Variants in GPC5 observed in about 807,000 individuals in gnomAD.
GPC5 encodes the protein glypican 5, also known as glypican-5.
GPC5 carries 47 observed loss-of-function variants against 53.9 expected under a neutral mutation model. That is an observed-to-expected ratio of 0.87 (90% CI 0.69 to 1.11). The LOEUF (loss-of-function observed/expected upper bound fraction) is 1.11. Ranked by LOEUF, GPC5 falls within the 50% of genes most tolerant of loss-of-function variation. GPC5 has a pLI of 0.00. For missense variants in GPC5, 748 were observed against 713.1 expected (o/e 1.05, Z -0.56); for synonymous variants, 286 against 263.3 (o/e 1.09, Z -0.84).
intron 7 of GPC5, among the ~76,000 whole-genome samples, chr13:92,283,257 C>T (rs1054025145): frequency 1.3e-5 from 2 of 152,132 alleles, no homozygotes; most frequent in Non-Finnish European, 2.9e-5. Flanking sequence ...CCTTAGAGAC[C>T]TACAAAGAGA....
intron 7 of GPC5, among the ~76,000 whole-genome samples, chr13:92,382,419 T>C (rs1245819155): frequency 6.6e-6 from 1 of 152,126 alleles, no homozygotes; most frequent in Non-Finnish European, 1.5e-5. Flanking sequence ...ATAATGTGAA[T>C]GGGGATTTAG....
At chr13:91,560,852 C>A (rs2031220240) in intron 2 of GPC5, among the ~76,000 whole-genome samples, 1 of 152,082 alleles carries the variant, frequency 6.6e-6, no homozygotes, top group African/African-American at 2.4e-5. Context: ...AGAGTTCTGA[C>A]TCTTGCCCAA....
chr13:92,711,018 G>A (rs887605202), intron 7 of GPC5, among the ~76,000 whole-genome samples: 1 of 152,088 alleles, frequency 6.6e-6, no homozygotes, highest in Admixed American at 6.6e-5. Context: ...GTAATGTACT[G>A]AAAAAATATA....
intron 2 of GPC5, among the ~76,000 whole-genome samples, chr13:91,532,943 T>G (rs1376301191): frequency 6.6e-6 from 1 of 152,166 alleles, no homozygotes; most frequent in Non-Finnish European, 1.5e-5. Context: ...ATATGGCTTA[T>G]GTATATTTTC....
chr13:92,817,866 C>A (rs1382816298), intron 7 of GPC5, among the ~76,000 whole-genome samples: 1 of 151,886 alleles, frequency 6.6e-6, no homozygotes, highest in Non-Finnish European at 1.5e-5. Context: ...AAAAAATATT[C>A]TGGGCTTTTT....
At chr13:92,752,010 C>T (rs1301546936) in intron 7 of GPC5, among the ~76,000 whole-genome samples, 1 of 151,358 alleles carries the variant, frequency 6.6e-6, no homozygotes, top group Non-Finnish European at 1.5e-5. Flanking sequence ...ATAATAGTAT[C>T]TGTTTTAATT....
chr13:91,435,972 C>T lies in GPC5; in HGVS notation c.164-12789C>T, dbSNP rs533316470. On this transcript the variant is annotated intron_variant, in intron 1 of 7. Transcript: ENST00000377067. ...TCTTCTAGATTTTCTAGTTTATTTGCGTAGAGGTGTTTATAGTATTCTCTG... is the reference window on the plus strand; with the variant it reads ...TCTTCTAGATTTTCTAGTTTATTTGTGTAGAGGTGTTTATAGTATTCTCTG... 4.4e-3 allele frequency among the ~76,000 whole-genome samples: 672 copies of T among 152,234 alleles called. 4 individuals carry two copies. The highest frequency in any genetic ancestry group is 0.016 in the African/African-American group (651 of 41,552).
chr13:92,587,909 C>G (rs369216615), intron 7 of GPC5, among the ~76,000 whole-genome samples: 3 of 151,614 alleles, frequency 2.0e-5, no homozygotes, highest in African/African-American at 7.3e-5. Context: ...TTTGAAAGGC[C>G]TATTCTTTTT....
At chr13:92,046,206 C>G (rs908869875) in intron 6 of GPC5, among the ~76,000 whole-genome samples, 2 of 152,126 alleles carry the variant, frequency 1.3e-5, no homozygotes, top group Middle Eastern at 3.4e-3. Flanking sequence ...ATGAGTATAA[C>G]AGTAGGTGAT....
intron 7 of GPC5, among the ~76,000 whole-genome samples, chr13:92,863,866 ATT>A (rs1030763877): frequency 6.6e-6 from 1 of 151,986 alleles, no homozygotes; most frequent in African/African-American, 2.4e-5. Context: ...TAATAACGCA[ATT>A]TTCTTTCCCC....
chr13:92,246,520 C>G (rs1231345752), intron 7 of GPC5, among the ~76,000 whole-genome samples: 2 of 152,038 alleles, frequency 1.3e-5, no homozygotes, highest in Non-Finnish European at 2.9e-5. Context: ...TCTTTACAAA[C>G]CATCCTGTCA....
intron 7 of GPC5, among the ~76,000 whole-genome samples, chr13:92,359,502 T>C (rs1397540824): frequency 6.6e-6 from 1 of 151,696 alleles, no homozygotes; most frequent in African/African-American, 2.4e-5. Flanking sequence ...GATGTCTTTA[T>C]AGAAATACCC....
At chr13:91,498,549 G>C (rs1030629693) in intron 2 of GPC5, among the ~76,000 whole-genome samples, 41 of 152,136 alleles carry the variant, frequency 2.7e-4, no homozygotes, top group African/African-American at 9.9e-4. Flanking sequence ...ATGTGGAGAT[G>C]AAAGGTCAGA....
intron 7 of GPC5, among the ~76,000 whole-genome samples, chr13:92,400,739 G>A (rs564939465): frequency 6.6e-6 from 1 of 152,052 alleles, no homozygotes. Context: ...TGCTAGTAAG[G>A]GTTCAGAAAT....
intron 2 of GPC5, among the ~76,000 whole-genome samples, chr13:91,490,540 G>T (rs1449548014): frequency 1.3e-5 from 2 of 152,040 alleles, no homozygotes; most frequent in African/African-American, 4.8e-5. Context: ...TTTAGCTTGG[G>T]TGAGTATTAG....
At chr13:92,096,184 A>C (rs1234620489) in intron 6 of GPC5, among the ~76,000 whole-genome samples, 1 of 152,196 alleles carries the variant, frequency 6.6e-6, no homozygotes, top group East Asian at 1.9e-4. Context: ...GCTTTGGAGC[A>C]CCTGAGATAT....
intron 7 of GPC5, among the ~76,000 whole-genome samples, chr13:92,584,982 G>GC (rs1883490736): frequency 6.6e-6 from 1 of 152,054 alleles, no homozygotes; most frequent in Non-Finnish European, 1.5e-5. Context: ...GTATAAAAAC[G>GC]CCTGGATGCC....
At chr13:91,543,528 T>A (rs903241433) in intron 2 of GPC5, among the ~76,000 whole-genome samples, 1 of 81,538 alleles carries the variant, frequency 1.2e-5, no homozygotes, top group Non-Finnish European at 3.0e-5. Context: ...TACATGATTT[T>A]TCAAAGAGAG....
chr13:91,886,657 A>G lies in GPC5; in HGVS notation c.1281-21280A>G, dbSNP rs534150083. Among the ~76,000 whole-genome samples, 3 of 152,306 alleles carry G rather than the reference A, an allele frequency of 2.0e-5. No homozygotes were observed. In the South Asian group the frequency reaches 6.2e-4, roughly 32 times the overall value. ...CCCAAGGTATTTACGCCTGTTCCAA[A>G]TGGGAGAAATTGGTCGAAACGAAGG... On this transcript the variant is annotated intron_variant, in intron 5 of 7. Coordinates refer to ENST00000377067, the MANE Select transcript of GPC5 (RefSeq NM_004466.6).
Sources: gnomAD v4.1 joint callset for allele counts (sites outside exome capture counted in the v4.1 genomes callset) on GRCh38, gnomAD v4.1.1 for gene constraint, MANE v1.5 for transcripts, NCBI Gene and HGNC (gene_info 2026-07-23, HGNC 2026-07-21) for gene names.